The following CFAP61 variants were observed in gnomAD, a reference collection of about 807,000 sequenced individuals.
The protein encoded by CFAP61 is cilia- and flagella-associated protein 61.
Under a neutral mutation model 135.6 loss-of-function variants are expected in CFAP61, and 107 were observed. The ratio of observed to expected loss-of-function variants is 0.79; its 90% CI spans 0.67 to 0.93. The LOEUF is 0.93. Among genes scored for constraint, CFAP61 ranks in the 40% least tolerant of loss-of-function variants. The pLI, the probability that CFAP61 is intolerant of heterozygous loss-of-function variation, is 0.00. For missense variants in CFAP61, 1,507 were observed against 1,556.2 expected, an observed-to-expected ratio of 0.97 and a Z score of 0.53; for synonymous variants, 575 against 578.5, an observed-to-expected ratio of 0.99 and a Z score of 0.09.
chr20:20,144,234 A>G (rs190764070), intron 9 of CFAP61, among the ~76,000 whole-genome samples: 14 of 152,370 alleles, frequency 9.2e-5, no homozygotes, highest in African/African-American at 9.6e-5. Context: ...AACTGGTAAT[A>G]TATTATGCAT....
intron 23 of CFAP61, among the ~76,000 whole-genome samples, chr20:20,289,448 G>T (rs1249757394): frequency 6.6e-6 from 1 of 151,964 alleles, no homozygotes; most frequent in Non-Finnish European, 1.5e-5. Flanking sequence ...AGTAATGCAG[G>T]GTTCCTTCAC....
intron 9 of CFAP61, among the ~76,000 whole-genome samples, chr20:20,158,994 T>A (rs769824479): frequency 2.0e-5 from 3 of 152,244 alleles, no homozygotes; most frequent in Non-Finnish European, 4.4e-5. Flanking sequence ...TAATTACTTT[T>A]GCACCATCAT....
rs758437958 is a variant in CFAP61, at chr20:20,196,600, A to T, written c.1621A>T (p.Ile541Phe). 6.2e-7 allele frequency: 1 copy of T among 1,613,986 alleles called. No homozygotes were observed. Among genetic ancestry groups the T allele is most frequent in the Admixed American group, 1.7e-5 (1 of 60,002 alleles). The stretch of plus-strand genomic sequence containing the variant: ...TGAGTACATACGGTCCCATTACAAC[A>T]TTGAAGATTTCATCTACTTCAGTCA... ...DIEYIRSHYN[I>F]EDFIYFSHHQ... is the part of the protein sequence containing the mutation. Residue 541 changes from isoleucine (I) to phenylalanine (F), a missense_variant, in exon 16 of 27, where the codon ATT (isoleucine) becomes TTT (phenylalanine). Physicochemically the swap from Ile to Phe is conservative, Grantham distance 21. Coordinates refer to ENST00000245957, the MANE Select transcript of CFAP61 (RefSeq NM_015585.4).
At chr20:20,251,478 C>A in intron 19 of CFAP61, 117 bp from the exon 20 acceptor site, 2 of 869,844 alleles carry the variant, frequency 2.3e-6, no homozygotes, top group South Asian at 3.1e-5. Context: ...TCCTGGTAAA[C>A]TCACAGCAAG....
intron 9 of CFAP61, among the ~76,000 whole-genome samples, chr20:20,150,453 G>C (rs6112787): frequency 2.5e-4 from 38 of 152,270 alleles, no homozygotes; most frequent in African/African-American, 8.7e-4. Context: ...AACCAACTCA[G>C]GACATTACAG....
intron 6 of CFAP61, chr20:20,085,475 G>C: frequency 7.3e-7 from 1 of 1,366,542 alleles, no homozygotes; most frequent in Non-Finnish European, 9.8e-7. Context: ...TTAAGAGAGA[G>C]CCTCTTCAGA....
chr20:20,117,687 G>A (rs751990073), intron 8 of CFAP61, among the ~76,000 whole-genome samples: 6 of 151,990 alleles, frequency 3.9e-5, no homozygotes, highest in African/African-American at 7.2e-5. Flanking sequence ...TATTACTGTC[G>A]TTTTAACGAT....
chr20:20,259,133 A>G (rs1156925557), intron 20 of CFAP61, among the ~76,000 whole-genome samples: 1 of 152,214 alleles, frequency 6.6e-6, no homozygotes, highest in Non-Finnish European at 1.5e-5. Context: ...AAGCAGTTCA[A>G]AAAGAAAAAG....
intron 15 of CFAP61, 41 bp downstream of exon 15, chr20:20,191,460 T>G: frequency 6.8e-7 from 1 of 1,464,620 alleles, no homozygotes. Context: ...GATTGTGCCT[T>G]GCTATATCAT....
intron 14 of CFAP61, among the ~76,000 whole-genome samples, chr20:20,189,434 C>G (rs2055752501): frequency 6.6e-6 from 1 of 152,124 alleles, no homozygotes; most frequent in Non-Finnish European, 1.5e-5. Context: ...TATTCCTTTT[C>G]CACTGTGTTG....
intron 8 of CFAP61, among the ~76,000 whole-genome samples, chr20:20,105,392 C>T (rs1325125605): frequency 6.6e-6 from 1 of 152,126 alleles, no homozygotes; most frequent in African/African-American, 2.4e-5. Context: ...ATATTACTCA[C>T]TTGGTAGCAG....
chr20:20,292,308 G>C (rs1380862584), intron 24 of CFAP61, among the ~76,000 whole-genome samples: 4 of 152,218 alleles, frequency 2.6e-5, no homozygotes, highest in Non-Finnish European at 5.9e-5. Flanking sequence ...GAAAAGGGTA[G>C]ATGCTGTATG....
intron 25 of CFAP61, among the ~76,000 whole-genome samples, chr20:20,339,922 G>C (rs1393142755): frequency 6.6e-6 from 1 of 152,244 alleles, no homozygotes; most frequent in African/African-American, 2.4e-5. Context: ...AATGACGAAA[G>C]CTGCCATGCT....
chr20:20,270,961 C>G (rs115504401), intron 21 of CFAP61, among the ~76,000 whole-genome samples: 2,188 of 152,282 alleles, frequency 0.014, 54 homozygotes, highest in African/African-American at 0.049. Context: ...CGTGAGCCAC[C>G]GCACCCAGCC....
At chr20:20,069,429 A>G (rs1028205815) in intron 2 of CFAP61, among the ~76,000 whole-genome samples, 3 of 152,014 alleles carry the variant, frequency 2.0e-5, no homozygotes, top group Non-Finnish European at 4.4e-5. Flanking sequence ...ACAGGCATGT[A>G]CCACCACACC....
chr20:20,083,258 G>C (rs759644747), intron 6 of CFAP61, among the ~76,000 whole-genome samples: 1 of 151,720 alleles, frequency 6.6e-6, no homozygotes, highest in Admixed American at 6.6e-5. Context: ...ACCAAATACC[G>C]TATGTTCTCA....
chr20:20,107,498 C>T (rs1240236795), intron 8 of CFAP61: 1 of 151,850 alleles, frequency 6.6e-6, no homozygotes, highest in Non-Finnish European at 1.5e-5. Context: ...TAAGATTATT[C>T]TAGAAAAGCT....
rs573130910 is a variant in CFAP61 at position 20,293,322 on chromosome 20, G to A, written c.3216+2931G>A. 3.9e-3 allele frequency among the ~76,000 whole-genome samples: 591 copies of A among 152,308 alleles called. 4 individuals carry two copies. Among genetic ancestry groups the A allele is most frequent in the African/African-American group, 0.014 (569 of 41,552 alleles). ...AACTTAAATAGATTCTTTGGCTGGT[G>A]CTATGACAGTATGTGAACAGGACCC... is the stretch of plus-strand genomic sequence containing the variant. On this transcript the variant is annotated intron_variant, in intron 24 of 26. Coordinates refer to ENST00000245957, the MANE Select transcript of CFAP61 (RefSeq NM_015585.4).
intron 20 of CFAP61, among the ~76,000 whole-genome samples, chr20:20,255,596 C>T (rs925471417): frequency 3.3e-5 from 5 of 152,124 alleles, no homozygotes; most frequent in Non-Finnish European, 7.4e-5. Flanking sequence ...AGGTGACAGC[C>T]TTCTACACAC....
Sources: allele counts gnomAD v4.1 joint callset (sites outside exome capture counted in the v4.1 genomes callset), GRCh38; gene constraint gnomAD v4.1.1; transcripts MANE v1.5; gene names NCBI Gene and HGNC (gene_info 2026-07-23, HGNC 2026-07-21).